The following SPAG16 variants were observed in gnomAD, a reference collection of about 807,000 sequenced individuals.
SPAG16 encodes sperm-associated antigen 16 protein.
A neutral mutation model predicts 80.4 loss-of-function variants in SPAG16; 86 were observed. The ratio of observed to expected loss-of-function variants is 1.07; its 90% CI spans 0.90 to 1.28. The LOEUF (loss-of-function observed/expected upper bound fraction) is 1.28, where lower values mean the gene tolerates loss of function less well. Ranked by LOEUF, SPAG16 falls within the 50% of genes most tolerant of loss-of-function variation. The probability of loss-of-function intolerance (pLI) is 0.00; values close to 1 mark genes in which losing one functional copy is unlikely to be tolerated. For missense variants in SPAG16, 870 were observed against 765.3 expected, an observed-to-expected ratio of 1.14 and a Z score of -1.61; for synonymous variants, 294 against 265.9, an observed-to-expected ratio of 1.11 and a Z score of -1.03.
intron 10 of SPAG16, among the ~76,000 whole-genome samples, chr2:213,617,811 T>C (rs1034093095): frequency 2.0e-5 from 3 of 151,866 alleles, no homozygotes; most frequent in Non-Finnish European, 2.9e-5. Context: ...AGATACTATC[T>C]CAAAAAAATA....
chr2:213,711,191 A>G (rs549730842), intron 10 of SPAG16, among the ~76,000 whole-genome samples: 2 of 152,094 alleles, frequency 1.3e-5, no homozygotes, highest in Non-Finnish European at 2.9e-5. Context: ...CAGTCACTCA[A>G]TTTTCAAGTT....
chr2:213,527,384 C>A (rs944603992), intron 10 of SPAG16, among the ~76,000 whole-genome samples: 1 of 152,192 alleles, frequency 6.6e-6, no homozygotes, highest in African/African-American at 2.4e-5. Flanking sequence ...TGTTCTCTCT[C>A]TGCTTCTGTT....
chr2:214,262,360 A>G (rs1691238746), intron 15 of SPAG16, among the ~76,000 whole-genome samples: 1 of 152,072 alleles, frequency 6.6e-6, no homozygotes, highest in Non-Finnish European at 1.5e-5. Flanking sequence ...TACCTGTAAT[A>G]TACTATAATT....
intron 9 of SPAG16, among the ~76,000 whole-genome samples, chr2:213,469,297 C>T (rs2072934189): frequency 6.6e-6 from 1 of 152,172 alleles, no homozygotes; most frequent in African/African-American, 2.4e-5. Flanking sequence ...AACCCAAATA[C>T]TATTACATAA....
chr2:213,955,519 C>G (rs2044073589), intron 12 of SPAG16, among the ~76,000 whole-genome samples: 1 of 152,168 alleles, frequency 6.6e-6, no homozygotes. Flanking sequence ...TTATTAGACT[C>G]TTAATTCTGT....
chr2:213,829,974 G>A (rs2073534760), intron 10 of SPAG16, among the ~76,000 whole-genome samples: 1 of 152,132 alleles, frequency 6.6e-6, no homozygotes, highest in Non-Finnish European at 1.5e-5. Flanking sequence ...GGGGTTGTAG[G>A]AGGGGTGGCA....
At chr2:214,137,609 A>T (rs1426904277) in intron 14 of SPAG16, among the ~76,000 whole-genome samples, 1 of 152,124 alleles carries the variant, frequency 6.6e-6, no homozygotes, top group Non-Finnish European at 1.5e-5. Flanking sequence ...AGTAGTTTTG[A>T]GAAAATAAAA....
At chr2:213,810,196 T>C (rs949953688) in intron 10 of SPAG16, among the ~76,000 whole-genome samples, 1 of 152,196 alleles carries the variant, frequency 6.6e-6, no homozygotes, top group African/African-American at 2.4e-5. Flanking sequence ...ATAAATAGAA[T>C]ATAACATTAT....
At chr2:213,421,329 C>T (rs916198613) in intron 9 of SPAG16, among the ~76,000 whole-genome samples, 1 of 152,226 alleles carries the variant, frequency 6.6e-6, no homozygotes, top group African/African-American at 2.4e-5. Context: ...CACCAGTCCC[C>T]CGCCATTTGG....
At position 213,544,443 on chromosome 2, in the gene SPAG16, C is replaced by A. The variant is rs977335208; in HGVS notation, c.1070+54353C>A. Among the ~76,000 whole-genome samples, 3 of 152,018 alleles carry A rather than the reference C, an allele frequency of 2.0e-5. No individual in the cohort carries two copies. In the East Asian group the frequency reaches 5.8e-4, roughly 29 times the overall value. ...TTTTCATATATCCCATACCCCCACA[C>A]GTACATAGCCTCCTTCTTATCAACA... On this transcript the variant is annotated intron_variant, in intron 10 of 15. Coordinates refer to ENST00000331683, the MANE Select transcript of SPAG16 (RefSeq NM_024532.5).
intron 15 of SPAG16, among the ~76,000 whole-genome samples, chr2:214,366,677 TG>T (rs1245643336): frequency 1.3e-5 from 2 of 152,092 alleles, no homozygotes; most frequent in African/African-American, 2.4e-5. Flanking sequence ...CAACCAAACA[TG>T]GTTTGATTGC....
chr2:213,324,980 T>C (rs1262000720), intron 5 of SPAG16, among the ~76,000 whole-genome samples: 1 of 152,128 alleles, frequency 6.6e-6, no homozygotes, highest in African/African-American at 2.4e-5. Context: ...GCATTTTCTG[T>C]ATACAAATGA....
intron 15 of SPAG16, among the ~76,000 whole-genome samples, chr2:214,330,684 G>A (rs1200325541): frequency 6.6e-6 from 1 of 152,164 alleles, no homozygotes; most frequent in East Asian, 1.9e-4. Flanking sequence ...TCTGCTAGCT[G>A]GCCTTAGGAA....
At chr2:213,409,876 G>A (rs965550203) in intron 9 of SPAG16, among the ~76,000 whole-genome samples, 14 of 152,120 alleles carry the variant, frequency 9.2e-5, no homozygotes, top group African/African-American at 3.4e-4. Flanking sequence ...CAATTTCTTA[G>A]AAATTATATA....
chr2:213,598,812 GT>G (rs2060965772), intron 10 of SPAG16, among the ~76,000 whole-genome samples: 1 of 152,178 alleles, frequency 6.6e-6, no homozygotes, highest in Admixed American at 6.5e-5. Flanking sequence ...ACATATTTTG[GT>G]AATGGGTCCT....
rs1156931837 is a variant in SPAG16 at position 213,976,127 on chromosome 2, T to C, written c.1401-37824T>C. Among the ~76,000 whole-genome samples the C allele has an allele frequency of 8.5e-3, 884 of 104,122 alleles. 15 individuals carry two copies. The highest frequency in any genetic ancestry group is 0.033 in the African/African-American group (846 of 25,986). 68.3% of individuals were successfully genotyped at this position (104,122 alleles called of 152,430 possible). A position where few individuals can be genotyped will look rare whatever the true frequency, so the allele number is the denominator to read the frequency against. On this transcript the variant is annotated intron_variant, in intron 12 of 15. Transcript: ENST00000331683. Reference sequence around the variant, plus strand: ...TGAGGGAGATATATATATATATATATATATATATACACACACACACACACA... The same window carrying C: ...TGAGGGAGATATATATATATATATACATATATATACACACACACACACACA...
Position 213,661,777 on chromosome 2 carries a change from T to C in SPAG16, c.1070+171687T>C, listed in dbSNP as rs571649683. Reference sequence around the variant, plus strand: ...TCCCTGAAAGATAATTTAATTAAAATATTCAAATATTCTTTTTGTCAAAAA... The same window carrying C: ...TCCCTGAAAGATAATTTAATTAAAACATTCAAATATTCTTTTTGTCAAAAA... On this transcript the variant is annotated intron_variant, in intron 10 of 15. Transcript: ENST00000331683. 1.9e-4 allele frequency among the ~76,000 whole-genome samples: 29 copies of C among 152,332 alleles called. No homozygotes were observed. The South Asian group carries it at 6.0e-3, about 32-fold the overall frequency.
chr2:214,273,136 G>T (rs1692164987), intron 15 of SPAG16, among the ~76,000 whole-genome samples: 1 of 152,140 alleles, frequency 6.6e-6, no homozygotes, highest in Non-Finnish European at 1.5e-5. Context: ...TTTTGATGGG[G>T]TTGTATGTTT....
At chr2:213,634,703 C>A (rs139964488) in intron 10 of SPAG16, among the ~76,000 whole-genome samples, 2,266 of 152,098 alleles carry the variant, frequency 0.015, 24 homozygotes, top group Middle Eastern at 0.041. Context: ...CACCTATAAC[C>A]CGAGCAGTGT....
Sources: gnomAD v4.1 joint callset for allele counts (sites outside exome capture counted in the v4.1 genomes callset) on GRCh38, gnomAD v4.1.1 for gene constraint, MANE v1.5 for transcripts, NCBI Gene and HGNC (gene_info 2026-07-23, HGNC 2026-07-21) for gene names.